CEP43: variants seen among roughly 807,000 people sequenced by gnomAD.
CEP43 encodes the protein FGFR1 oncogene partner.
In CEP43, 36 loss-of-function variants were observed where a neutral mutation model predicts 52.6. The observed-to-expected ratio is 0.68, with a 90% CI of 0.52 to 0.90. The LOEUF (loss-of-function observed/expected upper bound fraction) is 0.90, where lower values mean the gene tolerates loss of function less well. Ranked by LOEUF, CEP43 falls within the 40% of genes least tolerant of loss-of-function variation. The pLI is 0.00. For synonymous variants in CEP43, 192 were observed against 172.4 expected (o/e 1.11, Z -0.89); for missense variants, 506 against 472.8 (o/e 1.07, Z -0.65).
chr6:167,035,336 T>C (rs887013071), intron 12 of CEP43, among the ~76,000 whole-genome samples: 1 of 152,176 alleles, frequency 6.6e-6, no homozygotes, highest in Non-Finnish European at 1.5e-5. Context: ...AGCATTTGTA[T>C]TCTTTGCAGT....
chr6:167,044,714 T>C lies in CEP43; in HGVS notation c.*4736T>C, dbSNP rs901620677. On this transcript the variant is annotated 3_prime_UTR_variant, in exon 13 of 13. Transcript: ENST00000366847. ...CCCCTCGTGTCATCCGACTTTGCGT[T>C]GTGGCCCTGCCTGCAGAAACGTGTG... The C allele has an allele frequency of 2.8e-5, 7 of 253,346 alleles. No homozygotes were observed. Among genetic ancestry groups the C allele is most frequent in the African/African-American group, 1.4e-4 (6 of 43,334 alleles). The allele number at this position is 253,346 out of a possible 1,614,324, so 15.7% of individuals were successfully genotyped here. A position where few individuals can be genotyped will look rare whatever the true frequency, so the allele number is the denominator to read the frequency against.
chr6:167,021,891 A>G (rs745694642), intron 7 of CEP43, among the ~76,000 whole-genome samples: 3 of 152,182 alleles, frequency 2.0e-5, no homozygotes, highest in Admixed American at 1.3e-4. Context: ...TTAGCACTGG[A>G]TAGAAAATTG....
At position 167,043,684 on chromosome 6, in the gene CEP43, A is replaced by C. The variant is rs1172515066; in HGVS notation, c.*3706A>C. ...AGGTGTGAGTCACGGTGCCCGGCCT[A>C]GTCTTCCTGCTCTAGGAAGGGACGT... On this transcript the variant is annotated 3_prime_UTR_variant, in exon 13 of 13. Transcript: ENST00000366847. The C allele has an allele frequency of 6.6e-6, 1 of 152,204 alleles. No homozygotes were observed. The highest frequency in any genetic ancestry group is 1.5e-5 in the Non-Finnish European group (1 of 68,118). The allele number at this position is 152,204 out of a possible 1,614,324, so 9.4% of individuals were successfully genotyped here.
intron 4 of CEP43, 139 bp from the exon 5 acceptor site, chr6:167,004,125 T>A (rs980824653): frequency 2.4e-5 from 23 of 959,264 alleles, no homozygotes; most frequent in East Asian, 5.5e-5. Context: ...CATAATTTTT[T>A]AAAATAGACA....
intron 11 of CEP43, among the ~76,000 whole-genome samples, chr6:167,032,964 C>T (rs966734586): frequency 2.6e-5 from 4 of 152,114 alleles, no homozygotes; most frequent in Non-Finnish European, 5.9e-5. Flanking sequence ...ATTTTCTCTT[C>T]CTTCCATACC....
intron 5 of CEP43, among the ~76,000 whole-genome samples, chr6:167,010,254 C>T (rs1422366059): frequency 6.6e-6 from 1 of 152,166 alleles, no homozygotes; most frequent in Non-Finnish European, 1.5e-5. Flanking sequence ...CCTGTGGTGA[C>T]AGGGCACTGG....
At chr6:167,004,971 T>A (rs1220109028) in intron 5 of CEP43, among the ~76,000 whole-genome samples, 1 of 152,148 alleles carries the variant, frequency 6.6e-6, no homozygotes, top group African/African-American at 2.4e-5. Context: ...ACTCTTAACC[T>A]TTTTTTAGAA....
At chr6:167,022,771 T>A (rs1454696759) in intron 8 of CEP43, 136 bp downstream of exon 8, 2 of 652,330 alleles carry the variant, frequency 3.1e-6, no homozygotes, top group African/African-American at 3.6e-5. Flanking sequence ...GCGTTGTTAA[T>A]GCCTTTCATG....
In CEP43 at chr6:167,040,196, CTG is replaced by C. The variant is rs1308227273; in HGVS notation, c.*220_*221del. ...GGAAGATTTAATATTCTTAATTTAA[CTG>C]TACATTTCTTTATGGAAATTGATTA... is the stretch of plus-strand genomic sequence containing the variant. On this transcript the variant is annotated 3_prime_UTR_variant, in exon 13 of 13. Coordinates refer to ENST00000366847, the MANE Select transcript of CEP43 (RefSeq NM_007045.4). 1 of 1,526,230 alleles carries C rather than the reference CTG, an allele frequency of 6.6e-7. No homozygotes were observed. Among genetic ancestry groups the C allele is most frequent in the Non-Finnish European group, 8.7e-7 (1 of 1,143,688 alleles). The allele number at this position is 1,526,230 out of a possible 1,614,324, so 94.5% of individuals were successfully genotyped here. A position where few individuals can be genotyped will look rare whatever the true frequency, so the allele number is the denominator to read the frequency against.
rs564909670 is a variant in CEP43, at chr6:167,051,191, A to G, written c.*11213A>G. On this transcript the variant is annotated 3_prime_UTR_variant, in exon 13 of 13. Transcript: ENST00000366847. ...GTCATCTCAAATGTTAGGTTCTACA[A>G]TAGTCAAGTTATTTATAGTAATTGG... The G allele has an allele frequency of 1.3e-5, 2 of 152,382 alleles. No individual in the cohort carries two copies. The highest frequency in any genetic ancestry group is 2.4e-5 in the African/African-American group (1 of 41,588). The allele number at this position is 152,382 out of a possible 1,614,324, so 9.4% of individuals were successfully genotyped here. A position where few individuals can be genotyped will look rare whatever the true frequency, so the allele number is the denominator to read the frequency against.
intron 8 of CEP43, among the ~76,000 whole-genome samples, chr6:167,023,045 C>G (rs1211035906): frequency 2.6e-5 from 4 of 152,034 alleles, no homozygotes; most frequent in Admixed American, 6.5e-5. Context: ...TGTCAGCTGT[C>G]CAAATTGGAG....
intron 8 of CEP43, among the ~76,000 whole-genome samples, chr6:167,024,230 G>A (rs756048702): frequency 3.3e-5 from 5 of 152,152 alleles, no homozygotes; most frequent in Non-Finnish European, 7.4e-5. Context: ...TGAGGATGGA[G>A]GACGGAGGTT....
chr6:167,042,097 G>A lies in CEP43; in HGVS notation c.*2119G>A, dbSNP rs1286517585. On this transcript the variant is annotated 3_prime_UTR_variant, in exon 13 of 13. Transcript: ENST00000366847. ...CTCCTAAAGTGCCGGGATTACAGGC[G>A]TGAACCACCGCACCTGGCCAGTACT... is the stretch of plus-strand genomic sequence containing the variant. 17 of 998,046 alleles carry A rather than the reference G, an allele frequency of 1.7e-5. No homozygotes were observed. Among genetic ancestry groups the A allele is most frequent in the Admixed American group, 6.0e-5 (1 of 16,716 alleles). The allele number at this position is 998,046 out of a possible 1,614,324, so 61.8% of individuals were successfully genotyped here. A position where few individuals can be genotyped will look rare whatever the true frequency, so the allele number is the denominator to read the frequency against.
At chr6:167,009,837 A>T (rs79259171) in intron 5 of CEP43, among the ~76,000 whole-genome samples, 1 of 150,954 alleles carries the variant, frequency 6.6e-6, no homozygotes, top group African/African-American at 2.5e-5. Flanking sequence ...CCCTGTTTCA[A>T]AAAAAAGAAA....
At chr6:167,032,565 C>T in intron 10 of CEP43, 38 bp from the exon 11 acceptor site, 3 of 1,500,844 alleles carry the variant, frequency 2.0e-6, no homozygotes, top group Non-Finnish European at 2.7e-6. Context: ...AATTGTGACG[C>T]ACATTAGATA....
intron 7 of CEP43, among the ~76,000 whole-genome samples, chr6:167,021,162 C>T (rs1337357836): frequency 3.3e-5 from 5 of 151,818 alleles, no homozygotes; most frequent in Admixed American, 2.0e-4. Context: ...TTCTATTATT[C>T]CACGGGTATT....
At chr6:167,014,981 G>T (rs1780061765) in intron 7 of CEP43, among the ~76,000 whole-genome samples, 1 of 152,162 alleles carries the variant, frequency 6.6e-6, no homozygotes, top group Non-Finnish European at 1.5e-5. Context: ...GCTATTGTGG[G>T]TTTCAAACAA....
chr6:167,010,897 A>G lies in CEP43; in HGVS notation c.519+4A>G. On this transcript the variant is annotated splice_donor_region_variant and intron_variant, in intron 6 of 12. Coordinates refer to ENST00000366847, the MANE Select transcript of CEP43 (RefSeq NM_007045.4). The stretch of plus-strand genomic sequence containing the variant: ...TGCACAGACAACACCAAGTAAGGTG[A>G]GTTAGCTGTGGAACACGGAAGTCAT... 6.3e-7 allele frequency: 1 copy of G among 1,578,516 alleles called. No individual in the cohort carries two copies. The highest frequency in any genetic ancestry group is 1.8e-5 in the Admixed American group (1 of 55,174).
In CEP43 at chr6:167,003,174, A is replaced by ATT. The variant is rs576046562; in HGVS notation, c.157-7_157-6dup. On this transcript the variant is annotated intron_variant, in intron 2 of 12. Coordinates refer to ENST00000366847, the MANE Select transcript of CEP43 (RefSeq NM_007045.4). ...TTTAGGGTAAACACATGACACTTAA[A>ATT]TTTTTTTTTTTTTAACAGAACAAAA... 379 of 939,530 alleles carry ATT rather than the reference A, an allele frequency of 4.0e-4. No individual in the cohort carries two copies. Among genetic ancestry groups the ATT allele is most frequent in the South Asian group, 9.1e-4 (50 of 54,944 alleles). 58.2% of individuals were successfully genotyped at this position (939,530 alleles called of 1,614,324 possible).
Sources: allele counts gnomAD v4.1 joint callset (sites outside exome capture counted in the v4.1 genomes callset), GRCh38; gene constraint gnomAD v4.1.1; transcripts MANE v1.5; gene names NCBI Gene and HGNC (gene_info 2026-07-23, HGNC 2026-07-21).